The following KIF15 variants were observed in gnomAD, a reference collection of about 807,000 sequenced individuals.
KIF15 encodes the protein kinesin-like protein KIF15.
In KIF15, 140 loss-of-function variants were observed where a neutral mutation model predicts 190.6. The observed-to-expected ratio is 0.73, with a 90% confidence interval of 0.64 to 0.84. The LOEUF (loss-of-function observed/expected upper bound fraction) is 0.84, where lower values mean the gene tolerates loss of function less well. KIF15 is among the 40% of genes least tolerant of loss of function. The pLI, the probability that KIF15 is intolerant of heterozygous loss-of-function variation, is 0.00. For synonymous variants in KIF15, 528 were observed against 551.3 expected (o/e 0.96, Z 0.59); for missense variants, 1,372 against 1,584.4 (o/e 0.87, Z 2.28).
At chr3:44,800,055 A>G (rs1465983285) in intron 10 of KIF15, among the ~76,000 whole-genome samples, 1 of 152,146 alleles carries the variant, frequency 6.6e-6, no homozygotes. Flanking sequence ...GACCCAGCCT[A>G]AAAGCTCAGG....
rs138595381 is a variant in KIF15, at chr3:44,774,123, G to A, written c.20-272G>A. On this transcript the variant is annotated intron_variant, in intron 1 of 34. Coordinates refer to ENST00000326047, the MANE Select transcript of KIF15 (RefSeq NM_020242.3). Reference sequence around the variant, plus strand: ...GTGTTGAGGGATGGAATTTTTCACCGTGGGCAGGTTTAGGCAAGCCCCCTG... The same window carrying A: ...GTGTTGAGGGATGGAATTTTTCACCATGGGCAGGTTTAGGCAAGCCCCCTG... Among the ~76,000 whole-genome samples the A allele has an allele frequency of 1.2e-4, 19 of 152,220 alleles. No individual in the cohort carries two copies. In the East Asian group the frequency reaches 2.5e-3, roughly 20 times the overall value.
chr3:44,829,317 A>T (rs1309645102), intron 24 of KIF15, among the ~76,000 whole-genome samples: 1 of 149,884 alleles, frequency 6.7e-6, no homozygotes, highest in Non-Finnish European at 1.5e-5. Context: ...AGATCGCGCC[A>T]CTGCACTCCA....
chr3:44,863,602 T>C (rs1699288007), intron 6 of KIF15: 1 of 152,612 alleles, frequency 6.6e-6, no homozygotes, highest in African/African-American at 2.4e-5. Context: ...GGTTACTTAA[T>C]GCCCCTGGCT....
At chr3:44,858,360 T>C (rs1699208698) in intron 6 of KIF15, among the ~76,000 whole-genome samples, 1 of 152,204 alleles carries the variant, frequency 6.6e-6, no homozygotes, top group African/African-American at 2.4e-5. Context: ...TAGAAGCCCA[T>C]GCTGTAGCAG....
chr3:44,813,401 G>C (rs1002298575), intron 19 of KIF15: 35 of 369,674 alleles, frequency 9.5e-5, no homozygotes, highest in Non-Finnish European at 4.3e-5. Flanking sequence ...TGATACAAAT[G>C]TTTGCTTAAA....
At chr3:44,856,440 T>A (rs1480696242), downstream of KIF15, among the ~76,000 whole-genome samples, 1 of 152,206 alleles carries the variant, frequency 6.6e-6, no homozygotes, top group Non-Finnish European at 1.5e-5. Flanking sequence ...GTTAGCGGCT[T>A]GTAACCTACA....
At chr3:44,855,215 A>T (rs979824933), downstream of KIF15, among the ~76,000 whole-genome samples, 1 of 152,198 alleles carries the variant, frequency 6.6e-6, no homozygotes, top group African/African-American at 2.4e-5. Context: ...CAGGGGGTGG[A>T]TCTCACAAAG....
chr3:44,862,545 C>T (rs1249401402), intron 6 of KIF15: 1 of 152,578 alleles, frequency 6.6e-6, no homozygotes, highest in Non-Finnish European at 1.5e-5. Context: ...GCCTCTTGCC[C>T]ATCCCTTTAC....
intron 6 of KIF15, chr3:44,861,888 CG>C: frequency 6.7e-7 from 1 of 1,486,970 alleles, no homozygotes. Context: ...CTCTGCCCTG[CG>C]GGCAGCGGGT....
chr3:44,810,830 T>C lies in KIF15; in HGVS notation c.1972-16T>C, dbSNP rs369403968. 2.5e-5 allele frequency: 39 copies of C among 1,587,798 alleles called. No homozygotes were observed. The highest frequency in any genetic ancestry group is 3.3e-5 in the Non-Finnish European group (39 of 1,168,010). The stretch of plus-strand genomic sequence containing the variant: ...AAATATGTGCTAATGTTTTCCATAA[T>C]CATTTTTTGCTGCAGATTATAACTA... On this transcript the variant is annotated splice_polypyrimidine_tract_variant and intron_variant, in intron 16 of 34. Coordinates refer to ENST00000326047, the MANE Select transcript of KIF15 (RefSeq NM_020242.3).
At chr3:44,776,437 A>G (rs1705896244) in intron 3 of KIF15, among the ~76,000 whole-genome samples, 1 of 152,144 alleles carries the variant, frequency 6.6e-6, no homozygotes, top group South Asian at 2.1e-4. Context: ...AAAAAAAAAA[A>G]AAGATCTGTG....
chr3:44,780,998 G>A, intron 5 of KIF15, 76 bp downstream of exon 5: 1 of 1,097,362 alleles, frequency 9.1e-7, no homozygotes, highest in African/African-American at 1.6e-5. Context: ...TTTGGGGAAA[G>A]GCATAATTTC....
At chr3:44,802,188 G>C (rs1193719114) in intron 13 of KIF15, among the ~76,000 whole-genome samples, 1 of 152,216 alleles carries the variant, frequency 6.6e-6, no homozygotes, top group East Asian at 1.9e-4. Context: ...TTGCTACATA[G>C]TATGCTACTC....
At position 44,848,560 on chromosome 3, in the gene KIF15, T is replaced by A; in HGVS notation, c.3806+2T>A. On this transcript the variant is annotated splice_donor_variant, in intron 32 of 34. Transcript: ENST00000326047. LOFTEE classifies it high-confidence loss of function. ...AGAAATGCTGAAAATGAAAGCAGAG[T>A]AAGTGTACTATTTTGTAATTTAAAA... 1 of 1,194,860 alleles carries A rather than the reference T, an allele frequency of 8.4e-7. No individual in the cohort carries two copies. 74.0% of individuals were successfully genotyped at this position (1,194,860 alleles called of 1,614,324 possible).
At chr3:44,845,517 A>G (rs1698806585) in intron 30 of KIF15, among the ~76,000 whole-genome samples, 1 of 142,176 alleles carries the variant, frequency 7.0e-6, no homozygotes, top group South Asian at 2.1e-4. Flanking sequence ...TCTGGCACCT[A>G]AAAAAAAAAG....
chr3:44,784,931 GA>G lies in KIF15; in HGVS notation c.453del (p.Glu152LysfsTer36), dbSNP rs35375087. 6.5e-7 allele frequency: 1 copy of G among 1,534,342 alleles called. No individual in the cohort carries two copies. The highest frequency in any genetic ancestry group is 8.9e-7 in the Non-Finnish European group (1 of 1,120,018). ...FEYLFSLIDR[E>X]KEKAGAGKSF... ...ATATTTGTTTTCCTTAATTGATCGT[GA>G]AAAAGAAAAGGTAAAACAATGTAAA... On this transcript the variant is annotated frameshift_variant, in exon 6 of 35. Coordinates refer to ENST00000326047, the MANE Select transcript of KIF15 (RefSeq NM_020242.3). LOFTEE classifies it high-confidence loss of function.
At chr3:44,829,720 T>C (rs1227626623) in intron 24 of KIF15, among the ~76,000 whole-genome samples, 1 of 135,880 alleles carries the variant, frequency 7.4e-6, no homozygotes, top group Non-Finnish European at 1.5e-5. Context: ...TGTATATATA[T>C]TATAGATGTA....
At chr3:44,773,895 G>T (rs559817753) in intron 1 of KIF15, among the ~76,000 whole-genome samples, 9 of 152,080 alleles carry the variant, frequency 5.9e-5, no homozygotes, top group South Asian at 2.1e-4. Flanking sequence ...TTAAAAGAAC[G>T]CTCTCAATGA....
chr3:44,801,439 A>T lies in KIF15; in HGVS notation c.1223-11A>T. ...TTTTTCATCTTCCCTTTCTTATTGG[A>T]TCAATTACAGACAAAAAGAAGACTA... is the stretch of plus-strand genomic sequence containing the variant. On this transcript the variant is annotated splice_polypyrimidine_tract_variant and intron_variant, in intron 11 of 34. Transcript: ENST00000326047. 1.4e-6 allele frequency: 2 copies of T among 1,481,378 alleles called. No homozygotes were observed. Among genetic ancestry groups the T allele is most frequent in the Non-Finnish European group, 1.9e-6 (2 of 1,070,592 alleles). The allele number at this position is 1,481,378 out of a possible 1,614,324, so 91.8% of individuals were successfully genotyped here.
Sources: gnomAD v4.1 joint callset for allele counts (sites outside exome capture counted in the v4.1 genomes callset) on GRCh38, gnomAD v4.1.1 for gene constraint, MANE v1.5 for transcripts, NCBI Gene and HGNC (gene_info 2026-07-23, HGNC 2026-07-21) for gene names.